The following DLG5 variants were observed in gnomAD, a reference collection of about 807,000 sequenced individuals.
The protein encoded by DLG5 is disks large homolog 5.
Under a neutral mutation model 189.8 loss-of-function variants are expected in DLG5, and 48 were observed. The ratio of observed to expected loss-of-function variants is 0.25; its 90% confidence interval spans 0.20 to 0.32. DLG5 has a LOEUF of 0.32. Ranked by LOEUF, DLG5 falls within the 10% of genes least tolerant of loss-of-function variation. DLG5 has a pLI of 1.00. For missense variants in DLG5, 2,160 were observed against 2,544.7 expected (o/e 0.85, Z 3.25); for synonymous variants, 1,016 against 1,054.1 (o/e 0.96, Z 0.70).
chr10:77,883,148 TC>T (rs1229185317), intron 1 of DLG5, among the ~76,000 whole-genome samples: 2 of 152,076 alleles, frequency 1.3e-5, no homozygotes, highest in African/African-American at 4.8e-5. Context: ...GGAACCTGTC[TC>T]CAGCAACTGT....
chr10:77,807,663 G>A, intron 25 of DLG5, 133 bp downstream of exon 25: 3 of 1,047,764 alleles, frequency 2.9e-6, no homozygotes, highest in Non-Finnish European at 4.2e-6. Flanking sequence ...TGCAGATTGA[G>A]TGTCAAGGAA....
Position 77,819,924 on chromosome 10 carries a change from G to T in DLG5, c.3497C>A (p.Pro1166His). 6.2e-7 allele frequency: 1 copy of T among 1,603,292 alleles called. No homozygotes were observed. ...SPGHSSRHSN[P>H]PLYPSRPSVG... ...AGACGGCCTGCTAGGGTATAGCGGGGGGTTGCTGTGCCGGCTGGAATGCCC... is the reference window on the plus strand; with the variant it reads ...AGACGGCCTGCTAGGGTATAGCGGGTGGTTGCTGTGCCGGCTGGAATGCCC... Residue 1166 changes from proline (P) to histidine (H), a missense_variant, in exon 16 of 32, where the codon CCC becomes CAC. Transcript: ENST00000372391.
chr10:77,802,432 A>G (rs1841254317), intron 27 of DLG5, among the ~76,000 whole-genome samples: 1 of 152,214 alleles, frequency 6.6e-6, no homozygotes, highest in Admixed American at 6.5e-5. Flanking sequence ...TACAAGAAAA[A>G]CATTTCTGCA....
chr10:77,880,575 C>T (rs1845247731), intron 1 of DLG5, among the ~76,000 whole-genome samples: 1 of 152,126 alleles, frequency 6.6e-6, no homozygotes, highest in Admixed American at 6.5e-5. Context: ...GACACACAAT[C>T]CTCCCGACTC....
chr10:77,892,090 C>T lies in DLG5; in HGVS notation c.305-22893G>A, dbSNP rs146526757. ...AGGACGGACACACCCACAGGCCAAA[C>T]AAGGCATTAGGAACATGGGATGGCA... On this transcript the variant is annotated intron_variant, in intron 1 of 31. Coordinates refer to ENST00000372391, the MANE Select transcript of DLG5 (RefSeq NM_004747.4). Among the ~76,000 whole-genome samples, 1,029 of 152,336 alleles carry T rather than the reference C, an allele frequency of 6.8e-3. 12 individuals carry two copies. Among genetic ancestry groups the T allele is most frequent in the African/African-American group, 0.023 (942 of 41,578 alleles).
chr10:77,891,199 A>G (rs977967607), intron 1 of DLG5, among the ~76,000 whole-genome samples: 4 of 152,056 alleles, frequency 2.6e-5, no homozygotes, highest in African/African-American at 7.2e-5. Flanking sequence ...GGCTTCACCT[A>G]TGAGGCTGGG....
At chr10:77,825,464 C>T (rs993508834) in intron 13 of DLG5, among the ~76,000 whole-genome samples, 6 of 150,600 alleles carry the variant, frequency 4.0e-5, no homozygotes, top group Admixed American at 2.0e-4. Flanking sequence ...ATGCAAGGTG[C>T]AACCATGAGG....
chr10:77,821,736 C>G lies in DLG5; in HGVS notation c.2748G>C (p.Leu916=), dbSNP rs2154575649. Residue 916 remains leucine, a synonymous_variant, in exon 15 of 32, where the codon CTG becomes CTC. Transcript: ENST00000372391. The part of the protein sequence containing the change: ...GLVDVRGRRP[L]LPFETEVGPC... ...GGCCCACCTCGGTCTCAAAGGGCAG[C>G]AGTGGCCGCCGGCCACGCACGTCCA... The G allele has an allele frequency of 1.2e-6, 2 of 1,609,862 alleles. No individual in the cohort carries two copies. The highest frequency in any genetic ancestry group is 1.7e-6 in the Non-Finnish European group (2 of 1,178,678).
chr10:77,871,682 A>C (rs1243421489), intron 1 of DLG5, among the ~76,000 whole-genome samples: 1 of 151,232 alleles, frequency 6.6e-6, no homozygotes, highest in Non-Finnish European at 1.5e-5. Flanking sequence ...AGCTGGGATT[A>C]CAGGTGCCCA....
intron 2 of DLG5, among the ~76,000 whole-genome samples, chr10:77,860,289 GTTT>G (rs1844422447): frequency 6.6e-6 from 1 of 152,030 alleles, no homozygotes; most frequent in South Asian, 2.1e-4. Flanking sequence ...CAGGTTTTGG[GTTT>G]TTTTGGTTGG....
chr10:77,809,819 G>A lies in DLG5; in HGVS notation c.4464-89C>T, dbSNP rs890766265. 34 of 1,446,668 alleles carry A rather than the reference G, an allele frequency of 2.4e-5. No individual in the cohort carries two copies. The South Asian group carries it at 2.6e-4, about 11-fold the overall frequency. The allele number at this position is 1,446,668 out of a possible 1,614,324, so 89.6% of individuals were successfully genotyped here. On this transcript the variant is annotated intron_variant, in intron 23 of 31. Coordinates refer to ENST00000372391, the MANE Select transcript of DLG5 (RefSeq NM_004747.4). ...GTGGCCAATGCCCTAACCGCTTTCT[G>A]CCTGCTTCTTGGGGTCTCAGAACCA...
chr10:77,885,720 G>A (rs1436005177), intron 1 of DLG5, among the ~76,000 whole-genome samples: 1 of 152,202 alleles, frequency 6.6e-6, no homozygotes, highest in Non-Finnish European at 1.5e-5. Context: ...AGTGTGAAGA[G>A]TAAGAGTTGA....
At position 77,806,659 on chromosome 10, in the gene DLG5, A is replaced by G. The variant is rs2093815208; in HGVS notation, c.4967+99T>C. On this transcript the variant is annotated intron_variant, in intron 26 of 31. Transcript: ENST00000372391. ...AGATAAGAAGCAGAATCCCTCCTCCAGCAGCCCTGGCCCCAGCCCCCTCCC... is the reference window on the plus strand; with the variant it reads ...AGATAAGAAGCAGAATCCCTCCTCCGGCAGCCCTGGCCCCAGCCCCCTCCC... 3.4e-6 allele frequency: 5 copies of G among 1,453,834 alleles called. No homozygotes were observed. The African/African-American group carries it at 5.6e-5, about 16-fold the overall frequency. The allele number at this position is 1,453,834 out of a possible 1,614,324, so 90.1% of individuals were successfully genotyped here.
the DLG5 span, among the ~76,000 whole-genome samples, chr10:77,933,733 A>T: frequency 6.6e-6 from 1 of 151,200 alleles, no homozygotes; most frequent in East Asian, 2.0e-4. Flanking sequence ...TAAAAAAAAA[A>T]ATTGCGTTTC....
At chr10:77,871,536 C>CTTTTTTTTT (rs34326711) in intron 1 of DLG5, among the ~76,000 whole-genome samples, 16 of 83,910 alleles carry the variant, frequency 1.9e-4, no homozygotes, top group Admixed American at 3.7e-4. Context: ...AAGCATCACA[C>CTTTTTTTTT]TTTTTTTTTT....
chr10:77,853,951 A>G (rs114249738), intron 4 of DLG5, among the ~76,000 whole-genome samples: 1,893 of 152,362 alleles, frequency 0.012, 36 homozygotes, highest in African/African-American at 0.044. Flanking sequence ...ACAGAGACCC[A>G]GAGGCCTGCC....
At chr10:77,864,785 A>C (rs1844608451) in intron 2 of DLG5, among the ~76,000 whole-genome samples, 1 of 152,240 alleles carries the variant, frequency 6.6e-6, no homozygotes, top group South Asian at 2.1e-4. Flanking sequence ...TTGACAATGA[A>C]GGCCTAAGGG....
chr10:77,853,127 T>C (rs1844060793), intron 5 of DLG5, among the ~76,000 whole-genome samples: 1 of 151,482 alleles, frequency 6.6e-6, no homozygotes, highest in Non-Finnish European at 1.5e-5. Flanking sequence ...GGACTACAGG[T>C]GTGCCACCAT....
chr10:77,903,368 C>T (rs1845985250), intron 1 of DLG5, among the ~76,000 whole-genome samples: 1 of 151,474 alleles, frequency 6.6e-6, no homozygotes, highest in Non-Finnish European at 1.5e-5. Context: ...GCAGAGGTTG[C>T]AGTGAGCTGA....
Sources: allele counts gnomAD v4.1 joint callset (sites outside exome capture counted in the v4.1 genomes callset), GRCh38; gene constraint gnomAD v4.1.1; transcripts MANE v1.5; gene names NCBI Gene and HGNC (gene_info 2026-07-23, HGNC 2026-07-21).